STAU1: variants seen among roughly 807,000 people sequenced by gnomAD.
The protein encoded by STAU1 is double-stranded RNA-binding protein Staufen homolog 1.
Under a neutral mutation model 62.9 loss-of-function variants are expected in STAU1, and 13 were observed. The observed-to-expected ratio is 0.21, with a 90% CI of 0.13 to 0.33. The LOEUF is 0.33. Among genes scored for constraint, STAU1 ranks in the 10% least tolerant of loss-of-function variants. The pLI is 1.00. For synonymous variants in STAU1, 269 were observed against 265.1 expected (o/e 1.01, Z -0.14); for missense variants, 571 against 712.1 (o/e 0.80, Z 2.25).
intron 6 of STAU1, chr20:49,134,716 G>GA: frequency 1.8e-6 from 2 of 1,091,730 alleles, no homozygotes; most frequent in Admixed American, 1.7e-5. Context: ...CTGAATGTCT[G>GA]AAAAAACTCC....
intron 5 of STAU1, among the ~76,000 whole-genome samples, chr20:49,146,281 T>C (rs983246299): frequency 2.6e-5 from 4 of 151,842 alleles, no homozygotes; most frequent in Admixed American, 1.3e-4. Context: ...AATAAATAAA[T>C]AAACAAATGG....
At position 49,180,167 on chromosome 20, in the gene STAU1, G is replaced by A. The variant is rs181333510; in HGVS notation, c.-159-5898C>T. Among the ~76,000 whole-genome samples, 405 of 152,292 alleles carry A rather than the reference G, an allele frequency of 2.7e-3. 1 individual carries two copies. The highest frequency in any genetic ancestry group is 7.0e-3 in the African/African-American group (290 of 41,568). On this transcript the variant is annotated intron_variant, in intron 1 of 13. Transcript: ENST00000371856. ...CTCCCAACAGTATTAGCCACAAGAGGGATGTTAGAAAGGGCTAGGAAGCAA... is the reference window on the plus strand; with the variant it reads ...CTCCCAACAGTATTAGCCACAAGAGAGATGTTAGAAAGGGCTAGGAAGCAA...
intron 1 of STAU1, among the ~76,000 whole-genome samples, chr20:49,181,857 C>A (rs1182653106): frequency 2.7e-5 from 4 of 149,444 alleles, no homozygotes; most frequent in Non-Finnish European, 5.9e-5. Context: ...GGGGAAAAGA[C>A]CCCAATGTAT....
chr20:49,198,219 T>TTAAAAA, the STAU1 span, among the ~76,000 whole-genome samples: 1 of 152,078 alleles, frequency 6.6e-6, no homozygotes, highest in African/African-American at 2.4e-5. Flanking sequence ...ATGTCTAAAA[T>TTAAAAA]TAAAAATAAA....
the STAU1 span, among the ~76,000 whole-genome samples, chr20:49,218,600 A>G: frequency 6.6e-6 from 1 of 151,756 alleles, no homozygotes; most frequent in African/African-American, 2.4e-5. Flanking sequence ...CATGTTGCCC[A>G]GGGTTGTCTG....
the STAU1 span, among the ~76,000 whole-genome samples, chr20:49,217,968 G>T: frequency 1.3e-5 from 2 of 151,642 alleles, no homozygotes; most frequent in East Asian, 3.9e-4. Flanking sequence ...CCGCCTCCTG[G>T]GTTCAAGCGA....
chr20:49,216,055 AAAG>A, the STAU1 span, among the ~76,000 whole-genome samples: 10 of 150,940 alleles, frequency 6.6e-5, no homozygotes, highest in Non-Finnish European at 1.3e-4. Context: ...GAAGAAAAAA[AAAG>A]AAGAAGAGAA....
chr20:49,174,805 C>T (rs1054577400), intron 1 of STAU1, among the ~76,000 whole-genome samples: 7 of 151,944 alleles, frequency 4.6e-5, no homozygotes, highest in African/African-American at 1.2e-4. Flanking sequence ...GGCGTGATGG[C>T]GGGGGCCTGT....
intron 3 of STAU1, chr20:49,158,852 C>T: frequency 2.1e-6 from 2 of 944,728 alleles, no homozygotes; most frequent in South Asian, 1.6e-5. Context: ...GTAATCCCAG[C>T]AGATCGCGCC....
chr20:49,188,519 A>C (rs2093820886), upstream of STAU1, among the ~76,000 whole-genome samples: 1 of 150,774 alleles, frequency 6.6e-6, no homozygotes. Flanking sequence ...CAGCGGGAGG[A>C]GCGCCCTGTC....
intron 5 of STAU1, among the ~76,000 whole-genome samples, chr20:49,148,146 G>A (rs2093167479): frequency 6.6e-6 from 1 of 152,170 alleles, no homozygotes; most frequent in Non-Finnish European, 1.5e-5. Flanking sequence ...TTACGAAAGA[G>A]GCCAAGTGTT....
chr20:49,204,067 ATACT>A, the STAU1 span, among the ~76,000 whole-genome samples: 1 of 152,080 alleles, frequency 6.6e-6, no homozygotes, highest in Non-Finnish European at 1.5e-5. Flanking sequence ...CACTTTTTTA[ATACT>A]TACAGAATAC....
chr20:49,139,415 G>C (rs1035825467), intron 5 of STAU1, among the ~76,000 whole-genome samples: 1 of 152,028 alleles, frequency 6.6e-6, no homozygotes, highest in Non-Finnish European at 1.5e-5. Context: ...ACTTACACAG[G>C]CATTTCTCTA....
At chr20:49,151,515 C>T (rs1277492048) in intron 5 of STAU1, 67 bp downstream of exon 5, 20 of 1,413,222 alleles carry the variant, frequency 1.4e-5, no homozygotes, top group South Asian at 5.1e-5. Flanking sequence ...AGATAATGTG[C>T]GGTGACATCT....
chr20:49,129,691 G>A (rs1031533580), intron 6 of STAU1, among the ~76,000 whole-genome samples: 19 of 142,836 alleles, frequency 1.3e-4, no homozygotes, highest in Non-Finnish European at 2.4e-4. Context: ...TTGGAGTGCA[G>A]TAGCATGATC....
Position 49,153,980 on chromosome 20 carries a change from C to T in STAU1, c.297G>A (p.Met99Ile), listed in dbSNP as rs2093312998. 6.2e-7 allele frequency: 1 copy of T among 1,612,670 alleles called. No individual in the cohort carries two copies. Among genetic ancestry groups the T allele is most frequent in the Middle Eastern group, 1.7e-4 (1 of 6,054 alleles). ...TCATGTTGTAGTTATAGGTGGACTGCATCCGAGAGTAAGGGTCAACAGGCT... is the reference window on the plus strand; with the variant it reads ...TCATGTTGTAGTTATAGGTGGACTGTATCCGAGAGTAAGGGTCAACAGGCT... Reference protein sequence around the residue: ...MYKPVDPYSRMQSTYNYNMRG... With the variant: ...MYKPVDPYSRIQSTYNYNMRG... The change falls in exon 4 of 14, where the codon ATG (methionine) becomes ATA (isoleucine). Residue 99 changes from methionine (M) to isoleucine (I), a missense_variant. Physicochemically the swap from Met to Ile is conservative, Grantham distance 10 (BLOSUM62 1). Coordinates refer to ENST00000371856, the MANE Select transcript of STAU1 (RefSeq NM_017453.4).
chr20:49,159,235 G>T (rs1439476796), intron 3 of STAU1: 2 of 831,992 alleles, frequency 2.4e-6, no homozygotes, highest in Non-Finnish European at 2.9e-6. Context: ...CTGCCACTCT[G>T]CTGCATTCTG....
chr20:49,151,770 C>T, intron 4 of STAU1, 23 bp from the exon 5 acceptor site: 1 of 1,597,432 alleles, frequency 6.3e-7, no homozygotes, highest in Non-Finnish European at 8.5e-7. Flanking sequence ...GGAGGTTAGG[C>T]AAATTACAGT....
intron 2 of STAU1, among the ~76,000 whole-genome samples, chr20:49,173,658 C>A (rs2093625219): frequency 6.6e-6 from 1 of 152,166 alleles, no homozygotes; most frequent in Non-Finnish European, 1.5e-5. Context: ...AAGCAGGAAG[C>A]AGTATTAACC....
Sources: gnomAD v4.1 joint callset for allele counts (sites outside exome capture counted in the v4.1 genomes callset) on GRCh38, gnomAD v4.1.1 for gene constraint, MANE v1.5 for transcripts, NCBI Gene and HGNC (gene_info 2026-07-23, HGNC 2026-07-21) for gene names.